Variants in NEU3 observed in about 807,000 individuals in gnomAD.
NEU3 encodes the protein neuraminidase 3.
NEU3 carries 10 observed loss-of-function variants against 11.4 expected under a neutral mutation model. The ratio of observed to expected loss-of-function variants is 0.88; its 90% confidence interval spans 0.54 to 1.49. The LOEUF is 1.49. Ranked by LOEUF, NEU3 falls within the 40% of genes most tolerant of loss-of-function variation. The pLI, the probability that NEU3 is intolerant of heterozygous loss-of-function variation, is 0.00. For missense variants in NEU3, 529 were observed against 581.8 expected (o/e 0.91, Z 0.93); for synonymous variants, 212 against 228.2 (o/e 0.93, Z 0.64).
downstream of NEU3, among the ~76,000 whole-genome samples, chr11:75,012,878 G>A (rs1002754167): frequency 1.1e-4 from 17 of 152,142 alleles, no homozygotes; most frequent in African/African-American, 3.9e-4. Context: ...AACAGGCAGC[G>A]TACACATCTT....
the NEU3 span, among the ~76,000 whole-genome samples, chr11:74,982,793 A>C: frequency 1.3e-5 from 2 of 152,308 alleles, no homozygotes; most frequent in African/African-American, 4.8e-5. Flanking sequence ...CAGAGCCAAC[A>C]GGTATTTGAA....
intron 2 of NEU3, among the ~76,000 whole-genome samples, chr11:75,001,560 G>A (rs1948844649): frequency 6.6e-6 from 1 of 152,154 alleles, no homozygotes; most frequent in Admixed American, 6.6e-5. Flanking sequence ...TAGGATTACA[G>A]GCATAAGCCA....
intron 2 of NEU3, 147 bp from the exon 3 acceptor site, chr11:75,005,266 G>T: frequency 1.2e-6 from 1 of 812,054 alleles, no homozygotes; most frequent in Non-Finnish European, 1.9e-6. Context: ...TGTAATATCC[G>T]AGAATTTAGT....
chr11:75,005,265 C>G (rs910855364), intron 2 of NEU3, 148 bp from the exon 3 acceptor site: 1 of 808,208 alleles, frequency 1.2e-6, no homozygotes, highest in African/African-American at 1.7e-5. Context: ...CTGTAATATC[C>G]GAGAATTTAG....
chr11:74,993,351 C>T lies in NEU3; in HGVS notation c.95-1158C>T, dbSNP rs528099562. 8.9e-4 allele frequency among the ~76,000 whole-genome samples: 135 copies of T among 152,244 alleles called. 1 individual carries two copies. The highest frequency in any genetic ancestry group is 2.9e-3 in the African/African-American group (119 of 41,554). On this transcript the variant is annotated intron_variant, in intron 1 of 2. Transcript: ENST00000294064. ...CCTGAGTAGCTGGGACCACAGGTGC[C>T]TGCCAGCACACCCGGCTAATTTTTT...
At chr11:75,012,775 G>A (rs1948964328), downstream of NEU3, among the ~76,000 whole-genome samples, 1 of 152,156 alleles carries the variant, frequency 6.6e-6, no homozygotes, top group Admixed American at 6.5e-5. Context: ...GTATAAAGTT[G>A]ATCAAAAGTA....
At chr11:74,993,406 A>G (rs973087169) in intron 1 of NEU3, among the ~76,000 whole-genome samples, 66 of 152,212 alleles carry the variant, frequency 4.3e-4, no homozygotes, top group Middle Eastern at 6.8e-3. Flanking sequence ...GGGTTTCACC[A>G]TGTTAGCCAG....
Position 75,005,838 on chromosome 11 carries a change from A to G in NEU3, c.732A>G (p.Thr244=), listed in dbSNP as rs1481150258. 9.3e-6 allele frequency: 15 copies of G among 1,613,958 alleles called. No homozygotes were observed. The highest frequency in any genetic ancestry group is 1.6e-4 in the Middle Eastern group (1 of 6,062). The part of the protein sequence containing the change: ...LMIYSDDLGV[T]WHHGRLIRPM... ...TCTACAGTGATGACCTAGGGGTCAC[A>G]TGGCACCATGGTAGACTCATTAGGC... is the stretch of plus-strand genomic sequence containing the variant. The change falls in exon 3 of 3, where the codon ACA becomes ACG. Residue 244 remains threonine, a synonymous_variant. Transcript: ENST00000294064.
At chr11:74,997,627 C>A (rs113526679) in intron 2 of NEU3, among the ~76,000 whole-genome samples, 1 of 147,128 alleles carries the variant, frequency 6.8e-6, no homozygotes, top group African/African-American at 2.5e-5. Context: ...AGGCGGATCA[C>A]GAGGTCAGGA....
Position 74,989,037 on chromosome 11 carries a change from G to C in NEU3, c.-24G>C. ...TCTCAGTCTCCCCAGCCTTGGGGCC[G>C]GTGCCTCTTCCGGGCTTCGGCGAAT... is the stretch of plus-strand genomic sequence containing the variant. On this transcript the variant is annotated 5_prime_UTR_variant, in exon 1 of 3. Coordinates refer to ENST00000294064, the MANE Select transcript of NEU3 (RefSeq NM_006656.6). The C allele has an allele frequency of 6.5e-7, 1 of 1,537,086 alleles. No homozygotes were observed. Among genetic ancestry groups the C allele is most frequent in the Non-Finnish European group, 8.8e-7 (1 of 1,135,920 alleles).
chr11:74,987,886 CTTTTTTTTTTTCT>C (rs1236095715), upstream of NEU3, among the ~76,000 whole-genome samples: 3 of 83,256 alleles, frequency 3.6e-5, no homozygotes, highest in African/African-American at 5.6e-5. Context: ...GGTTCTAGGC[CTTTTTTTTTTTCT>C]TTTTTTTTTT....
upstream of NEU3, among the ~76,000 whole-genome samples, chr11:74,987,797 A>C (rs1449221226): frequency 1.3e-5 from 2 of 151,656 alleles, no homozygotes; most frequent in African/African-American, 2.4e-5. Flanking sequence ...TGGGCGGCAG[A>C]GACACACTCC....
In NEU3 at chr11:75,007,184, C is replaced by G. The variant is rs1182686036; in HGVS notation, c.*692C>G. 5.9e-5 allele frequency: 9 copies of G among 152,242 alleles called. No homozygotes were observed. The highest frequency in any genetic ancestry group is 1.3e-4 in the Non-Finnish European group (9 of 68,082). The allele number at this position is 152,242 out of a possible 1,614,324, so 9.4% of individuals were successfully genotyped here. On this transcript the variant is annotated 3_prime_UTR_variant, in exon 3 of 3. Transcript: ENST00000294064. The stretch of plus-strand genomic sequence containing the variant: ...ATTTTCTAGGGAGAACAATGAGAAT[C>G]TCAATGCCAGTAGTACTGGATAATA...
downstream of NEU3, among the ~76,000 whole-genome samples, chr11:75,020,100 G>T (rs190898548): frequency 5.2e-3 from 790 of 152,276 alleles, 6 homozygotes; most frequent in African/African-American, 0.018. Flanking sequence ...TGCCCTGCTG[G>T]ATTTCGGACT....
At chr11:74,992,890 G>A (rs998937340) in intron 1 of NEU3, among the ~76,000 whole-genome samples, 2 of 152,140 alleles carry the variant, frequency 1.3e-5, no homozygotes, top group African/African-American at 2.4e-5. Context: ...AACCCAGGAG[G>A]TGGAGGTTGC....
chr11:74,990,213 C>T (rs1346767443), intron 1 of NEU3: 2 of 524,790 alleles, frequency 3.8e-6, no homozygotes, highest in Non-Finnish European at 6.8e-6. Context: ...GTATTATTAT[C>T]CATAGTTTAC....
chr11:74,994,455 T>C, intron 1 of NEU3, 54 bp from the exon 2 acceptor site: 3 of 1,403,880 alleles, frequency 2.1e-6, no homozygotes, highest in Non-Finnish European at 2.9e-6. Context: ...AGAATTTATA[T>C]GCAGGCCAGC....
Position 75,008,521 on chromosome 11 carries a change from A to C in NEU3, c.*2029A>C, listed in dbSNP as rs1021599828. ...GGGAGGATGGCCAAGTCGTACAACC[A>C]GGGCTAAAGGATGAAAAGAATGAGA... On this transcript the variant is annotated 3_prime_UTR_variant, in exon 3 of 3. Transcript: ENST00000294064. The C allele has an allele frequency of 6.6e-6, 1 of 151,716 alleles. No individual in the cohort carries two copies. The highest frequency in any genetic ancestry group is 2.4e-5 in the African/African-American group (1 of 41,252). The allele number at this position is 151,716 out of a possible 1,614,324, so 9.4% of individuals were successfully genotyped here. A position where few individuals can be genotyped will look rare whatever the true frequency, so the allele number is the denominator to read the frequency against.
chr11:75,014,469 AT>A (rs527769409), downstream of NEU3, among the ~76,000 whole-genome samples: 25 of 152,174 alleles, frequency 1.6e-4, no homozygotes, highest in Non-Finnish European at 2.1e-4. Flanking sequence ...TTCACACATC[AT>A]CCCTAATCCT....
Sources: gnomAD v4.1 joint callset for allele counts (sites outside exome capture counted in the v4.1 genomes callset) on GRCh38, gnomAD v4.1.1 for gene constraint, MANE v1.5 for transcripts, NCBI Gene and HGNC (gene_info 2026-07-23, HGNC 2026-07-21) for gene names.